KAT2B: variants seen among roughly 807,000 people sequenced by gnomAD.
The protein encoded by KAT2B is lysine acetyltransferase 2B, also known as histone acetyltransferase KAT2B.
KAT2B carries 36 observed loss-of-function variants against 105.9 expected under a neutral mutation model. The ratio of observed to expected loss-of-function variants is 0.34; its 90% confidence interval spans 0.26 to 0.45. KAT2B has a LOEUF of 0.45. Among genes scored for constraint, KAT2B ranks in the 20% least tolerant of loss-of-function variants. KAT2B has a pLI of 1.00. For missense variants in KAT2B, 820 were observed against 1,021.6 expected (o/e 0.80, Z 2.69); for synonymous variants, 397 against 377.9 (o/e 1.05, Z -0.59).
chr3:20,063,733 G>A (rs940702732), intron 1 of KAT2B, among the ~76,000 whole-genome samples: 35 of 151,044 alleles, frequency 2.3e-4, no homozygotes, highest in African/African-American at 7.1e-4. Flanking sequence ...AGTAGTGACA[G>A]GGTTTCACCA....
intron 17 of KAT2B, among the ~76,000 whole-genome samples, chr3:20,150,983 A>T (rs904581354): frequency 6.6e-6 from 1 of 152,222 alleles, no homozygotes; most frequent in African/African-American, 2.4e-5. Flanking sequence ...AAAGGAATGT[A>T]AACATCTACT....
chr3:20,105,584 C>T lies in KAT2B; in HGVS notation c.851+4116C>T, dbSNP rs62243134. On this transcript the variant is annotated intron_variant, in intron 5 of 17. Coordinates refer to ENST00000263754, the MANE Select transcript of KAT2B (RefSeq NM_003884.5). The stretch of plus-strand genomic sequence containing the variant: ...TTGAGCCCAGGAGTTTGAGCCCAGC[C>T]TGGGCAACAGAATGAGACTTCATCT... Among the ~76,000 whole-genome samples, 443 of 152,028 alleles carry T rather than the reference C, an allele frequency of 2.9e-3. 2 individuals carry two copies. The highest frequency in any genetic ancestry group is 5.1e-3 in the Non-Finnish European group (347 of 67,988).
chr3:20,139,812 A>G (rs1352120171), intron 12 of KAT2B, among the ~76,000 whole-genome samples: 3 of 151,982 alleles, frequency 2.0e-5, no homozygotes, highest in Non-Finnish European at 4.4e-5. Context: ...TTTTTTGACC[A>G]TCTTTTCTTT....
chr3:20,122,227 T>C (rs577124691), intron 8 of KAT2B, among the ~76,000 whole-genome samples: 41 of 152,320 alleles, frequency 2.7e-4, no homozygotes, highest in Non-Finnish European at 5.1e-4. Context: ...ATACACATTC[T>C]TTCCAAGAAG....
chr3:20,112,003 T>C (rs938735984), intron 6 of KAT2B, among the ~76,000 whole-genome samples: 15 of 152,156 alleles, frequency 9.9e-5, no homozygotes, highest in Non-Finnish European at 1.8e-4. Context: ...CATTGCTCCC[T>C]TATCCCCTCC....
chr3:20,099,705 A>G (rs1307617483), intron 3 of KAT2B, among the ~76,000 whole-genome samples, 157 bp from the exon 4 acceptor site: 3 of 152,108 alleles, frequency 2.0e-5, no homozygotes, highest in Non-Finnish European at 4.4e-5. Context: ...GTTTATATAT[A>G]GTTAAGATAA....
intron 1 of KAT2B, among the ~76,000 whole-genome samples, chr3:20,050,061 G>A (rs1327759324): frequency 2.0e-5 from 3 of 151,962 alleles, no homozygotes; most frequent in Admixed American, 1.3e-4. Flanking sequence ...TTAGCAGGGC[G>A]TGGTGGCTTG....
At chr3:20,135,382 C>T (rs1699582737) in intron 11 of KAT2B, among the ~76,000 whole-genome samples, 10 of 152,086 alleles carry the variant, frequency 6.6e-5, no homozygotes, top group Middle Eastern at 3.4e-3. Flanking sequence ...TGGCCGGGCG[C>T]GGTGGCTCAC....
chr3:20,058,780 A>G (rs1470873419), intron 1 of KAT2B, among the ~76,000 whole-genome samples: 1 of 152,160 alleles, frequency 6.6e-6, no homozygotes, highest in Non-Finnish European at 1.5e-5. Context: ...GGATTACTGA[A>G]CCATTTAATC....
At chr3:20,067,073 C>G (rs1026967894) in intron 1 of KAT2B, among the ~76,000 whole-genome samples, 1 of 152,148 alleles carries the variant, frequency 6.6e-6, no homozygotes, top group African/African-American at 2.4e-5. Context: ...TTGTCTCCCT[C>G]TCTTCATTCC....
At chr3:20,130,854 A>AGAGT (rs144900083) in intron 11 of KAT2B, among the ~76,000 whole-genome samples, 1 of 150,350 alleles carries the variant, frequency 6.7e-6, no homozygotes, top group African/African-American at 2.4e-5. Context: ...GGATGAGTTT[A>AGAGT]GTGTGTGTGT....
chr3:20,122,876 G>A, intron 9 of KAT2B, 72 bp downstream of exon 9: 1 of 1,526,764 alleles, frequency 6.5e-7, no homozygotes, highest in South Asian at 1.3e-5. Flanking sequence ...GCTGTCAGAA[G>A]TGGGGATGCT....
chr3:20,099,761 G>GTA, intron 3 of KAT2B, 101 bp from the exon 4 acceptor site: 2 of 276,656 alleles, frequency 7.2e-6, no homozygotes, highest in African/African-American at 4.6e-5. Flanking sequence ...GTGTGTGTAA[G>GTA]AGAGAGAGAG....
intron 2 of KAT2B, among the ~76,000 whole-genome samples, chr3:20,085,354 A>C (rs1271192007): frequency 6.6e-6 from 1 of 152,232 alleles, no homozygotes; most frequent in Non-Finnish European, 1.5e-5. Flanking sequence ...TAAGAAAAAG[A>C]TGACCCAGCA....
At chr3:20,108,844 G>A (rs1168409577) in intron 5 of KAT2B, among the ~76,000 whole-genome samples, 1 of 152,174 alleles carries the variant, frequency 6.6e-6, no homozygotes, top group Non-Finnish European at 1.5e-5. Context: ...TGTGAACTGT[G>A]CATGTGAGGG....
At chr3:20,090,143 C>T (rs1382283278) in intron 2 of KAT2B, among the ~76,000 whole-genome samples, 1 of 152,122 alleles carries the variant, frequency 6.6e-6, no homozygotes, top group Non-Finnish European at 1.5e-5. Flanking sequence ...ATTATGTTAT[C>T]TGCAGAGACA....
chr3:20,130,156 T>C (rs962325577), intron 11 of KAT2B, among the ~76,000 whole-genome samples: 1 of 152,226 alleles, frequency 6.6e-6, no homozygotes, highest in Non-Finnish European at 1.5e-5. Flanking sequence ...GCACGAATTA[T>C]AGCTGCTGCA....
At chr3:20,073,989 C>T (rs1230233379) in intron 2 of KAT2B, among the ~76,000 whole-genome samples, 2 of 152,182 alleles carry the variant, frequency 1.3e-5, no homozygotes, top group African/African-American at 2.4e-5. Flanking sequence ...AAGGCAGAGA[C>T]AGTGCTTCAC....
In KAT2B at chr3:20,040,671, A is replaced by T; in HGVS notation, c.194A>T (p.Glu65Val). Residue 65 changes from glutamate (E) to valine (V), a missense_variant, in exon 1 of 18, where the codon GAA becomes GTA. Transcript: ENST00000263754. ...ATAVAAAGTA[E>V]GPGGGGSARI... ...GCAGTGGCTGCAGCGGGCACGGCCG[A>T]AGGACCGGGAGGCGGTGGCTCGGCC... 6.5e-7 allele frequency: 1 copy of T among 1,548,624 alleles called. No individual in the cohort carries two copies. The highest frequency in any genetic ancestry group is 8.7e-7 in the Non-Finnish European group (1 of 1,153,406).
Sources: gnomAD v4.1 joint callset for allele counts (sites outside exome capture counted in the v4.1 genomes callset) on GRCh38, gnomAD v4.1.1 for gene constraint, MANE v1.5 for transcripts, NCBI Gene and HGNC (gene_info 2026-07-23, HGNC 2026-07-21) for gene names.